HERC1: variants seen among roughly 807,000 people sequenced by gnomAD.
HERC1 encodes the protein probable E3 ubiquitin-protein ligase HERC1.
In HERC1, 160 loss-of-function variants were observed where a neutral mutation model predicts 554.3. That is an observed-to-expected ratio of 0.29 (90% confidence interval 0.25 to 0.33). The LOEUF (loss-of-function observed/expected upper bound fraction) is 0.33. HERC1 is among the 10% of genes least tolerant of loss of function. HERC1 has a pLI of 1.00. For missense variants in HERC1, 4,919 were observed against 5,918.5 expected (o/e 0.83, Z 5.54); for synonymous variants, 2,175 against 2,131.7 (o/e 1.02, Z -0.56).
intron 1 of HERC1, among the ~76,000 whole-genome samples, chr15:63,797,518 T>C (rs1386768435): frequency 6.6e-6 from 1 of 152,234 alleles, no homozygotes; most frequent in Non-Finnish European, 1.5e-5. Context: ...GGACTGTTTT[T>C]CACACTCCAA....
At chr15:63,779,133 G>C (rs1055384853) in intron 1 of HERC1, among the ~76,000 whole-genome samples, 2 of 151,720 alleles carry the variant, frequency 1.3e-5, no homozygotes, top group Non-Finnish European at 2.9e-5. Context: ...TAAGAAAAAA[G>C]AATAATATTC....
At chr15:63,808,575 T>G (rs1282313393) in intron 1 of HERC1, among the ~76,000 whole-genome samples, 1 of 152,184 alleles carries the variant, frequency 6.6e-6, no homozygotes, top group African/African-American at 2.4e-5. Context: ...CGTGAGCCAC[T>G]GTACACTGCT....
intron 77 of HERC1, 93 bp from the exon 78 acceptor site, chr15:63,609,359 G>T (rs1207815059): frequency 6.3e-6 from 7 of 1,112,708 alleles, no homozygotes; most frequent in Non-Finnish European, 8.8e-6. Context: ...CTTCAAGATG[G>T]AATTAACATG....
In HERC1 at chr15:63,752,900, T is replaced by C. The variant is rs780632436; in HGVS notation, c.1902+58A>G. Reference sequence around the variant, plus strand: ...AAAATTTAAATACAAGTATTACTTTTTAGTCACCTAATCCTCTGAAATACT... The same window carrying C: ...AAAATTTAAATACAAGTATTACTTTCTAGTCACCTAATCCTCTGAAATACT... On this transcript the variant is annotated intron_variant, in intron 8 of 77. Coordinates refer to ENST00000443617, the MANE Select transcript of HERC1 (RefSeq NM_003922.4). 3 of 1,456,682 alleles carry C rather than the reference T, an allele frequency of 2.1e-6. No individual in the cohort carries two copies. In the South Asian group the frequency reaches 3.9e-5, roughly 19 times the overall value. The allele number at this position is 1,456,682 out of a possible 1,614,324, so 90.2% of individuals were successfully genotyped here.
chr15:63,609,315 A>C lies in HERC1; in HGVS notation c.14401-49T>G. The C allele has an allele frequency of 2.0e-6, 3 of 1,526,646 alleles. 1 individual carries two copies. The highest frequency in any genetic ancestry group is 4.6e-5 in the East Asian group (2 of 43,124). The allele number at this position is 1,526,646 out of a possible 1,614,324, so 94.6% of individuals were successfully genotyped here. On this transcript the variant is annotated intron_variant, in intron 77 of 77. Transcript: ENST00000443617. Reference sequence around the variant, plus strand: ...TGACTGGGGACATCAGAGTGCCATAAGGGGGAGTGGGGCTGCCCATGACCT... The same window carrying C: ...TGACTGGGGACATCAGAGTGCCATACGGGGGAGTGGGGCTGCCCATGACCT...
At chr15:63,829,059 G>C (rs2078036974) in intron 1 of HERC1, among the ~76,000 whole-genome samples, 1 of 152,102 alleles carries the variant, frequency 6.6e-6, no homozygotes, top group African/African-American at 2.4e-5. Flanking sequence ...AACGGGAGAA[G>C]GTTAGAATGA....
chr15:63,736,292 C>T (rs1444677802), intron 12 of HERC1, among the ~76,000 whole-genome samples: 2 of 152,202 alleles, frequency 1.3e-5, no homozygotes, highest in Non-Finnish European at 2.9e-5. Flanking sequence ...AGATAATAGG[C>T]ACAGTTGAAG....
intron 22 of HERC1, among the ~76,000 whole-genome samples, chr15:63,715,000 T>G (rs2073482041): frequency 6.6e-6 from 1 of 152,202 alleles, no homozygotes; most frequent in Non-Finnish European, 1.5e-5. Flanking sequence ...GTCCCTTATT[T>G]CTACAAAAAT....
chr15:63,751,187 A>T (rs2075231440), intron 8 of HERC1, among the ~76,000 whole-genome samples: 1 of 152,092 alleles, frequency 6.6e-6, no homozygotes, highest in Non-Finnish European at 1.5e-5. Flanking sequence ...GTCCCTTAAG[A>T]TCTAACGGAG....
chr15:63,757,621 A>G (rs1249957865), intron 4 of HERC1, among the ~76,000 whole-genome samples: 1 of 152,090 alleles, frequency 6.6e-6, no homozygotes, highest in East Asian at 1.9e-4. Context: ...GTCTGTTGCT[A>G]TTCTTAACAC....
At chr15:63,813,311 G>GACACACAC (rs10534978) in intron 1 of HERC1, among the ~76,000 whole-genome samples, 136 of 139,598 alleles carry the variant, frequency 9.7e-4, no homozygotes, top group Middle Eastern at 3.5e-3. Flanking sequence ...ATCAGAGATG[G>GACACACAC]ACACACACAC....
At chr15:63,784,022 T>A (rs1452645580) in intron 1 of HERC1, among the ~76,000 whole-genome samples, 8 of 149,196 alleles carry the variant, frequency 5.4e-5, no homozygotes, top group African/African-American at 2.0e-4. Context: ...GCCAAGATTA[T>A]GCCACTGCAC....
rs758306461 is a variant in HERC1, at chr15:63,652,404, T to C, written c.10418+10A>G. The C allele has an allele frequency of 2.0e-5, 32 of 1,611,638 alleles. No homozygotes were observed. The highest frequency in any genetic ancestry group is 6.6e-5 in the South Asian group (6 of 90,762). On this transcript the variant is annotated intron_variant, in intron 52 of 77. Transcript: ENST00000443617. Reference sequence around the variant, plus strand: ...ATTTTAAATGGTATACACGTGATGTTAGCACTCACAATCTGTTGAACACAC... The same window carrying C: ...ATTTTAAATGGTATACACGTGATGTCAGCACTCACAATCTGTTGAACACAC...
rs1005465495 is a variant in HERC1 at position 63,749,185 on chromosome 15, T to G, written c.2219+182A>C. ...TCTTGCTTCGGAAACATGTCTAACC[T>G]CAACATTCAAATAAAAAGAAATCTA... On this transcript the variant is annotated intron_variant, in intron 10 of 77. Coordinates refer to ENST00000443617, the MANE Select transcript of HERC1 (RefSeq NM_003922.4). This position sits in a 1 kb window ranked among gnomAD's most constrained non-coding sequence, Gnocchi z 4.1. Among the ~76,000 whole-genome samples, 5 of 152,130 alleles carry G rather than the reference T, an allele frequency of 3.3e-5. No homozygotes were observed. Among genetic ancestry groups the G allele is most frequent in the African/African-American group, 9.7e-5 (4 of 41,430 alleles).
intron 1 of HERC1, among the ~76,000 whole-genome samples, chr15:63,829,475 TA>T (rs2078059605): frequency 2.3e-5 from 1 of 43,482 alleles, no homozygotes; most frequent in Non-Finnish European, 6.9e-5. Context: ...TATATGTTTA[TA>T]TAAATATATA....
At chr15:63,746,777 A>C (rs1278436721) in intron 12 of HERC1, 141 bp downstream of exon 12, 2 of 741,824 alleles carry the variant, frequency 2.7e-6, no homozygotes, top group African/African-American at 3.6e-5. Flanking sequence ...GTTAACCAAA[A>C]ATACTCTCAC....
At chr15:63,788,962 A>G (rs1391230767) in intron 1 of HERC1, among the ~76,000 whole-genome samples, 1 of 152,044 alleles carries the variant, frequency 6.6e-6, no homozygotes, top group Non-Finnish European at 1.5e-5. Flanking sequence ...GGCTCAACAT[A>G]GGCAAATCTA....
At chr15:63,664,771 C>T (rs1339338902) in intron 42 of HERC1, among the ~76,000 whole-genome samples, 177 bp from the exon 43 acceptor site, 1 of 152,140 alleles carries the variant, frequency 6.6e-6, no homozygotes, top group Non-Finnish European at 1.5e-5. Flanking sequence ...ATAACATTTC[C>T]TGTGACCTGA....
At chr15:63,655,068 T>C (rs1175946936) in intron 50 of HERC1, among the ~76,000 whole-genome samples, 2 of 152,140 alleles carry the variant, frequency 1.3e-5, no homozygotes, top group Admixed American at 1.3e-4. Flanking sequence ...CAAAAGCCAG[T>C]ATCGGCTGGG....
Sources: allele counts gnomAD v4.1 joint callset (sites outside exome capture counted in the v4.1 genomes callset), GRCh38; gene constraint gnomAD v4.1.1; non-coding constraint Gnocchi (gnomAD v3.1); transcripts MANE v1.5; gene names NCBI Gene and HGNC (gene_info 2026-07-23, HGNC 2026-07-21).